The following DDC variants were observed in gnomAD, a reference collection of about 807,000 sequenced individuals.
The protein encoded by DDC is aromatic-L-amino-acid decarboxylase.
Under a neutral mutation model 60.0 loss-of-function variants are expected in DDC, and 43 were observed. The ratio of observed to expected loss-of-function variants is 0.72; its 90% CI spans 0.56 to 0.92. DDC has a LOEUF of 0.92. DDC is among the 40% of genes least tolerant of loss of function. The probability of loss-of-function intolerance (pLI) is 0.00; values close to 1 mark genes in which losing one functional copy is unlikely to be tolerated. For synonymous variants in DDC, 232 were observed against 234.6 expected (o/e 0.99, Z 0.10); for missense variants, 573 against 620.2 (o/e 0.92, Z 0.81).
Position 50,508,306 on chromosome 7 carries a change from C to T in DDC, c.715-4247G>A, listed in dbSNP as rs551928570. ...TCAATGACGCTAACCTGATTCCAGG[C>T]GCTCTGCAGAGGCATAATCACATTT... On this transcript the variant is annotated intron_variant, in intron 6 of 14. Transcript: ENST00000444124. Among the ~76,000 whole-genome samples the T allele has an allele frequency of 3.3e-5, 5 of 152,328 alleles. No individual in the cohort carries two copies. The East Asian group carries it at 5.8e-4, about 18-fold the overall frequency.
intron 4 of DDC, among the ~76,000 whole-genome samples, chr7:50,536,063 G>A (rs563701920): frequency 5.6e-4 from 86 of 152,278 alleles, no homozygotes; most frequent in African/African-American, 1.9e-3. Flanking sequence ...ATTCCTAAAA[G>A]AGATAGCTAC....
chr7:50,462,338 C>A (rs573221354), intron 14 of DDC, among the ~76,000 whole-genome samples: 4 of 152,020 alleles, frequency 2.6e-5, no homozygotes, highest in African/African-American at 9.6e-5. Context: ...TGTCTAGGTT[C>A]CCACAAACAT....
intron 6 of DDC, among the ~76,000 whole-genome samples, chr7:50,504,816 C>T (rs2043349562): frequency 6.6e-6 from 1 of 152,198 alleles, no homozygotes; most frequent in South Asian, 2.1e-4. Context: ...CTGCCCAAGG[C>T]ACTCATGGAA....
Position 50,499,146 on chromosome 7 carries a change from A to G in DDC, c.876+2T>C, listed in dbSNP as rs915727399. On this transcript the variant is annotated splice_donor_variant, in intron 8 of 14. Transcript: ENST00000444124. LOFTEE classifies it high-confidence loss of function. ...CTTAGGGAGAGCGAAGGGTGCACCTACCTCCACTCCATTCAGAAGGTGCCG... is the reference window on the plus strand; with the variant it reads ...CTTAGGGAGAGCGAAGGGTGCACCTGCCTCCACTCCATTCAGAAGGTGCCG... The G allele has an allele frequency of 6.2e-7, 1 of 1,609,626 alleles. No homozygotes were observed. The highest frequency in any genetic ancestry group is 8.5e-7 in the Non-Finnish European group (1 of 1,175,942).
At chr7:50,520,412 C>T (rs1184719888) in intron 6 of DDC, among the ~76,000 whole-genome samples, 1 of 151,836 alleles carries the variant, frequency 6.6e-6, no homozygotes, top group African/African-American at 2.4e-5. Flanking sequence ...GATCAAACAA[C>T]ACATTTTAAG....
chr7:50,546,867 A>G (rs2044823332), intron 1 of DDC, among the ~76,000 whole-genome samples: 1 of 152,232 alleles, frequency 6.6e-6, no homozygotes, highest in African/African-American at 2.4e-5. Flanking sequence ...AACAACCACA[A>G]TGACTGTCTG....
At chr7:50,459,290 G>A (rs2042196764) in intron 14 of DDC, among the ~76,000 whole-genome samples, 1 of 152,202 alleles carries the variant, frequency 6.6e-6, no homozygotes, top group African/African-American at 2.4e-5. Context: ...GTGCAGTGGA[G>A]TGATCTCGGC....
At chr7:50,474,467 CAGA>C (rs142413977) in intron 11 of DDC, among the ~76,000 whole-genome samples, 98 of 152,250 alleles carry the variant, frequency 6.4e-4, no homozygotes, top group African/African-American at 1.9e-3. Flanking sequence ...CTGGATGGAG[CAGA>C]AGAACAGGCT....
At chr7:50,523,538 T>C (rs139298005) in intron 6 of DDC, among the ~76,000 whole-genome samples, 2 of 152,310 alleles carry the variant, frequency 1.3e-5, no homozygotes, top group African/African-American at 4.8e-5. Flanking sequence ...CCAAAGAAGA[T>C]GTTCATGTAG....
At chr7:50,533,764 A>G (rs930006778) in intron 4 of DDC, among the ~76,000 whole-genome samples, 2 of 152,222 alleles carry the variant, frequency 1.3e-5, no homozygotes, top group African/African-American at 2.4e-5. Context: ...ACTAACATAC[A>G]GTAGAAGAAA....
At chr7:50,507,106 T>A (rs2043419996) in intron 6 of DDC, among the ~76,000 whole-genome samples, 1 of 152,238 alleles carries the variant, frequency 6.6e-6, no homozygotes, top group Admixed American at 6.5e-5. Context: ...AAAGAATGAC[T>A]TAACAATATT....
chr7:50,528,217 C>CT lies in DDC; in HGVS notation c.633dup (p.Asp212ArgfsTer41). The stretch of plus-strand genomic sequence containing the variant: ...GACGCACGCATGGCGAAGTTGCCAT[C>CT]TGAGGGGATGGCTTTTAATTTCACT... On this transcript the variant is annotated frameshift_variant, in exon 6 of 15. Coordinates refer to ENST00000444124, the MANE Select transcript of DDC (RefSeq NM_001082971.2). LOFTEE classifies it high-confidence loss of function. 1 of 1,614,198 alleles carries CT rather than the reference C, an allele frequency of 6.2e-7. No individual in the cohort carries two copies. Among genetic ancestry groups the CT allele is most frequent in the Non-Finnish European group, 8.5e-7 (1 of 1,180,048 alleles).
At chr7:50,484,257 G>A (rs533328528) in intron 9 of DDC, among the ~76,000 whole-genome samples, 28 of 152,302 alleles carry the variant, frequency 1.8e-4, no homozygotes, top group African/African-American at 6.7e-4. Context: ...GATCCTCTCT[G>A]TTGGGTCTTT....
At chr7:50,495,092 C>T (rs2043099433) in intron 9 of DDC, among the ~76,000 whole-genome samples, 1 of 152,192 alleles carries the variant, frequency 6.6e-6, no homozygotes, top group Admixed American at 6.5e-5. Flanking sequence ...TGTTTTCTGT[C>T]AATGCTGGAT....
intron 4 of DDC, among the ~76,000 whole-genome samples, chr7:50,529,591 C>A (rs900389882): frequency 1.3e-5 from 2 of 152,148 alleles, no homozygotes; most frequent in African/African-American, 4.8e-5. Flanking sequence ...ACATTTCTGA[C>A]CACTTCCCTG....
At chr7:50,467,737 A>G (rs1053014152) in intron 12 of DDC, among the ~76,000 whole-genome samples, 1 of 152,190 alleles carries the variant, frequency 6.6e-6, no homozygotes, top group African/African-American at 2.4e-5. Flanking sequence ...AGATATCATG[A>G]TTATCCCCAT....
At chr7:50,483,917 G>T (rs901298208) in intron 9 of DDC, among the ~76,000 whole-genome samples, 7 of 136,120 alleles carry the variant, frequency 5.1e-5, no homozygotes, top group African/African-American at 1.1e-4. Flanking sequence ...AAAAAAAAAA[G>T]AATAATAATT....
At chr7:50,537,778 A>T in intron 4 of DDC, 82 bp downstream of exon 4, 5 of 1,530,492 alleles carry the variant, frequency 3.3e-6, no homozygotes, top group Non-Finnish European at 3.6e-6. Context: ...AAGAAGCATG[A>T]GTGCCTCTTT....
In DDC at chr7:50,510,417, C is replaced by T. The variant is rs150845154; in HGVS notation, c.715-6358G>A. Among the ~76,000 whole-genome samples, 1,244 of 151,758 alleles carry T rather than the reference C, an allele frequency of 8.2e-3. 16 individuals are homozygous for T. Among genetic ancestry groups the T allele is most frequent in the African/African-American group, 0.028 (1,151 of 41,384 alleles). ...GGTGCTGTGGCTTATGCCTATAATC[C>T]CAGCACTTTGGGAGGCCAAGGCTGG... On this transcript the variant is annotated intron_variant, in intron 6 of 14. Coordinates refer to ENST00000444124, the MANE Select transcript of DDC (RefSeq NM_001082971.2).
Sources: gnomAD v4.1 joint callset for allele counts (sites outside exome capture counted in the v4.1 genomes callset) on GRCh38, gnomAD v4.1.1 for gene constraint, MANE v1.5 for transcripts, NCBI Gene and HGNC (gene_info 2026-07-23, HGNC 2026-07-21) for gene names.